The following RNF180 variants were observed in gnomAD, a reference collection of about 807,000 sequenced individuals.
The protein encoded by RNF180 is E3 ubiquitin-protein ligase RNF180.
In RNF180, 38 loss-of-function variants were observed where a neutral mutation model predicts 59.2. That is an observed-to-expected ratio of 0.64 (90% confidence interval 0.50 to 0.84). The LOEUF is 0.84. Ranked by LOEUF, RNF180 falls within the 40% of genes least tolerant of loss-of-function variation. The pLI, the probability that RNF180 is intolerant of heterozygous loss-of-function variation, is 0.00. For missense variants in RNF180, 705 were observed against 700.9 expected, an observed-to-expected ratio of 1.01 and a Z score of -0.07; for synonymous variants, 262 against 240.3, an observed-to-expected ratio of 1.09 and a Z score of -0.84.
At chr5:64,245,116 T>A (rs1743072003) in intron 5 of RNF180, among the ~76,000 whole-genome samples, 1 of 152,140 alleles carries the variant, frequency 6.6e-6, no homozygotes, top group Non-Finnish European at 1.5e-5. Flanking sequence ...GAAAAACTGG[T>A]ACCAGCCGCT....
intron 5 of RNF180, among the ~76,000 whole-genome samples, chr5:64,245,458 G>A (rs1195848637): frequency 6.6e-6 from 1 of 151,994 alleles, no homozygotes; most frequent in African/African-American, 2.4e-5. Flanking sequence ...AAAAAGCAGG[G>A]GTTGCAATCC....
chr5:64,222,422 A>T (rs999305772), intron 5 of RNF180, among the ~76,000 whole-genome samples: 1 of 152,196 alleles, frequency 6.6e-6, no homozygotes, highest in Non-Finnish European at 1.5e-5. Flanking sequence ...ATAAACCAAC[A>T]TCAGCAAAGG....
chr5:64,275,209 G>A (rs990210645), intron 5 of RNF180, among the ~76,000 whole-genome samples: 4 of 150,918 alleles, frequency 2.7e-5, no homozygotes, highest in African/African-American at 9.7e-5. Context: ...CTTAATCACT[G>A]GTGTTTTCTG....
At position 64,319,217 on chromosome 5, in the gene RNF180, TGAG is replaced by T. The variant is rs1421373517; in HGVS notation, c.1228-5967_1228-5965del. On this transcript the variant is annotated intron_variant, in intron 5 of 7. Transcript: ENST00000389100. ...CTTTGTATCTATAAAAAGGTTACCT[TGAG>T]GTTGAGTCCTCGGCCACATGCTTGT... is the stretch of plus-strand genomic sequence containing the variant. 2.6e-5 allele frequency among the ~76,000 whole-genome samples: 4 copies of T among 152,038 alleles called. No homozygotes were observed. In the East Asian group the frequency reaches 7.7e-4, roughly 29 times the overall value.
chr5:64,330,954 C>A (rs961629472), intron 7 of RNF180, among the ~76,000 whole-genome samples: 7 of 152,338 alleles, frequency 4.6e-5, no homozygotes, highest in African/African-American at 1.7e-4. Flanking sequence ...CCCCCTTGCC[C>A]CTGCAGGCTC....
In RNF180 at chr5:64,192,179, G is replaced by A. The variant is rs113690073; in HGVS notation, c.1-8629G>A. Among the ~76,000 whole-genome samples, 747 of 151,404 alleles carry A rather than the reference G, an allele frequency of 4.9e-3. 10 individuals carry two copies. Among genetic ancestry groups the A allele is most frequent in the African/African-American group, 0.017 (700 of 41,208 alleles). ...AGACTTGAATAGACATTTTTGCTAA[G>A]AAGACATACAAATGGCCACTAGATA... On this transcript the variant is annotated intron_variant, in intron 1 of 7. Coordinates refer to ENST00000389100, the MANE Select transcript of RNF180 (RefSeq NM_001113561.2).
At chr5:64,278,562 T>C (rs575116607) in intron 5 of RNF180, among the ~76,000 whole-genome samples, 61 of 152,084 alleles carry the variant, frequency 4.0e-4, no homozygotes, top group Non-Finnish European at 6.8e-4. Context: ...GCAAGTAAAA[T>C]GTACGTGAAC....
intron 5 of RNF180, among the ~76,000 whole-genome samples, chr5:64,238,056 G>A (rs537140824): frequency 2.0e-5 from 3 of 152,252 alleles, no homozygotes; most frequent in African/African-American, 7.2e-5. Context: ...TGAACTTGAC[G>A]AGTTTTAGAT....
intron 7 of RNF180, among the ~76,000 whole-genome samples, chr5:64,342,534 A>C (rs1020564570): frequency 1.3e-5 from 2 of 152,150 alleles, no homozygotes; most frequent in Admixed American, 1.3e-4. Flanking sequence ...AAAAGACAGA[A>C]TGAAATCTCT....
At chr5:64,341,726 T>G (rs1468018431) in intron 7 of RNF180, among the ~76,000 whole-genome samples, 1 of 152,148 alleles carries the variant, frequency 6.6e-6, no homozygotes, top group East Asian at 1.9e-4. Flanking sequence ...GGATACTCAC[T>G]CCTGGGACAC....
chr5:64,183,441 C>CTTTTTTTTTTTT (rs367772828), intron 1 of RNF180, among the ~76,000 whole-genome samples: 1 of 89,914 alleles, frequency 1.1e-5, no homozygotes, highest in Admixed American at 1.3e-4. Flanking sequence ...GAAAGTATAC[C>CTTTTTTTTTTTT]TTTTTTTTTT....
chr5:64,234,176 A>T (rs146813896), intron 5 of RNF180, among the ~76,000 whole-genome samples: 1 of 152,298 alleles, frequency 6.6e-6, no homozygotes, highest in African/African-American at 2.4e-5. Flanking sequence ...AACGAATTAA[A>T]GTTTACTAAC....
intron 5 of RNF180, among the ~76,000 whole-genome samples, chr5:64,259,857 G>A (rs904291786): frequency 2.6e-5 from 4 of 152,026 alleles, no homozygotes; most frequent in Non-Finnish European, 4.4e-5. Context: ...GGAGGCGGAG[G>A]TTGTGGTGAG....
In RNF180 at chr5:64,368,729, T is replaced by A. The variant is rs1015451262; in HGVS notation, c.1580-886T>A. 3.3e-5 allele frequency among the ~76,000 whole-genome samples: 5 copies of A among 152,048 alleles called. No homozygotes were observed. The East Asian group carries it at 9.8e-4, about 30-fold the overall frequency. ...AAAAAATGCTCATCATCACTGGCCATCAGAGAAATGCAAATCAAAACCACA... is the reference window on the plus strand; with the variant it reads ...AAAAAATGCTCATCATCACTGGCCAACAGAGAAATGCAAATCAAAACCACA... On this transcript the variant is annotated intron_variant, in intron 7 of 7. Transcript: ENST00000389100.
chr5:64,355,601 CA>C (rs199819337), intron 7 of RNF180, among the ~76,000 whole-genome samples: 1 of 151,090 alleles, frequency 6.6e-6, no homozygotes, highest in East Asian at 2.0e-4. Flanking sequence ...CTTGCATAAC[CA>C]AAAAAAATCC....
intron 5 of RNF180, among the ~76,000 whole-genome samples, chr5:64,317,792 C>T (rs1744138072): frequency 7.5e-6 from 1 of 133,784 alleles, no homozygotes; most frequent in East Asian, 2.0e-4. Context: ...TCCTGATAAA[C>T]CCATTTTAAA....
intron 5 of RNF180, among the ~76,000 whole-genome samples, chr5:64,258,672 T>C (rs1363243135): frequency 1.3e-5 from 2 of 152,254 alleles, no homozygotes; most frequent in Non-Finnish European, 2.9e-5. Flanking sequence ...GTAGATATAT[T>C]GAACAGTTGG....
Position 64,369,962 on chromosome 5 carries a change from T to G in RNF180, c.*148T>G, listed in dbSNP as rs1218285657. On this transcript the variant is annotated 3_prime_UTR_variant, in exon 8 of 8. Transcript: ENST00000389100. Reference sequence around the variant, plus strand: ...GAAAGCCTGAGAATAATGAATTTATTTATTAATGTTTTTCATGTAACAAAC... The same window carrying G: ...GAAAGCCTGAGAATAATGAATTTATGTATTAATGTTTTTCATGTAACAAAC... 3.9e-6 allele frequency: 2 copies of G among 512,312 alleles called. No homozygotes were observed. Among genetic ancestry groups the G allele is most frequent in the East Asian group, 6.5e-5 (2 of 30,688 alleles). 31.7% of individuals were successfully genotyped at this position (512,312 alleles called of 1,614,324 possible).
At chr5:64,168,702 G>A (rs576753343) in intron 1 of RNF180, among the ~76,000 whole-genome samples, 1 of 152,194 alleles carries the variant, frequency 6.6e-6, no homozygotes, top group African/African-American at 2.4e-5. Flanking sequence ...CATATTGTAT[G>A]TTTTGAGTGT....
Sources: allele counts gnomAD v4.1 joint callset (sites outside exome capture counted in the v4.1 genomes callset), GRCh38; gene constraint gnomAD v4.1.1; transcripts MANE v1.5; gene names NCBI Gene and HGNC (gene_info 2026-07-23, HGNC 2026-07-21).